The following RGS6 variants were observed in gnomAD, a reference collection of about 807,000 sequenced individuals.
RGS6 encodes the protein regulator of G-protein signaling 6.
A neutral mutation model predicts 78.5 loss-of-function variants in RGS6; 30 were observed. That is an observed-to-expected ratio of 0.38 (90% CI 0.29 to 0.52). RGS6 has a LOEUF of 0.52. Among genes scored for constraint, RGS6 ranks in the 20% least tolerant of loss-of-function variants. RGS6 has a pLI of 0.85. For synonymous variants in RGS6, 206 were observed against 206.0 expected (o/e 1.00, Z 0.00); for missense variants, 495 against 609.7 (o/e 0.81, Z 1.98).
intron 2 of RGS6, among the ~76,000 whole-genome samples, chr14:72,173,544 G>A (rs535824655): frequency 9.2e-5 from 14 of 152,242 alleles, no homozygotes; most frequent in South Asian, 2.1e-4. Flanking sequence ...TAAAATGCGC[G>A]TTCAGGGAGA....
intron 3 of RGS6, among the ~76,000 whole-genome samples, chr14:72,368,207 T>C (rs1049984430): frequency 8.5e-5 from 13 of 152,134 alleles, no homozygotes; most frequent in Non-Finnish European, 1.3e-4. Context: ...TGCATGTGTG[T>C]GAACTGGGGA....
At chr14:72,307,829 A>G (rs540903128) in intron 2 of RGS6, among the ~76,000 whole-genome samples, 1 of 152,220 alleles carries the variant, frequency 6.6e-6, no homozygotes, top group Non-Finnish European at 1.5e-5. Flanking sequence ...CTTTAAAATG[A>G]CAAATTTTCC....
At chr14:72,143,588 T>C (rs2096569839) in intron 2 of RGS6, among the ~76,000 whole-genome samples, 1 of 152,188 alleles carries the variant, frequency 6.6e-6, no homozygotes, top group Non-Finnish European at 1.5e-5. Flanking sequence ...ACATGATTAA[T>C]GGCTTTTGGG....
intron 3 of RGS6, among the ~76,000 whole-genome samples, chr14:72,396,220 T>C (rs565790896): frequency 0.11 from 17,372 of 152,132 alleles, 1,360 homozygotes; most frequent in Non-Finnish European, 0.17. Context: ...TTAATGATTT[T>C]CATTCTAACT....
chr14:72,439,982 C>T (rs187429270), intron 3 of RGS6, among the ~76,000 whole-genome samples: 52 of 152,332 alleles, frequency 3.4e-4, no homozygotes, highest in Non-Finnish European at 4.4e-5. Context: ...GCTCCACAAT[C>T]CCTAACCCAC....
the RGS6 span, among the ~76,000 whole-genome samples, chr14:71,886,055 G>A: frequency 2.2e-4 from 33 of 149,384 alleles, no homozygotes; most frequent in Middle Eastern, 3.4e-3. Flanking sequence ...TCAGAAATGC[G>A]TGTAATCCCA....
chr14:72,107,435 G>A (rs997726491), intron 2 of RGS6, among the ~76,000 whole-genome samples: 1 of 152,026 alleles, frequency 6.6e-6, no homozygotes, highest in African/African-American at 2.4e-5. Context: ...CTCATCTTGT[G>A]TATTTCCTGC....
At chr14:71,995,247 C>T (rs2095146898) in intron 2 of RGS6, among the ~76,000 whole-genome samples, 1 of 152,162 alleles carries the variant, frequency 6.6e-6, no homozygotes, top group South Asian at 2.1e-4. Context: ...ATCTGGAATT[C>T]TATGTTCTTC....
At chr14:72,489,725 AGAGGC>A (rs1566968618) in intron 12 of RGS6, among the ~76,000 whole-genome samples, 33 of 151,110 alleles carry the variant, frequency 2.2e-4, no homozygotes, top group African/African-American at 7.6e-4. Context: ...AAAGGAAAGG[AGAGGC>A]AAGGCGAGGT....
the RGS6 span, among the ~76,000 whole-genome samples, chr14:72,576,935 G>C: frequency 6.6e-6 from 1 of 152,142 alleles, no homozygotes; most frequent in African/African-American, 2.4e-5. Context: ...TAAACACATG[G>C]GCTTTGTAGA....
chr14:72,079,764 A>G (rs1055341602), intron 2 of RGS6, among the ~76,000 whole-genome samples: 6 of 152,110 alleles, frequency 3.9e-5, no homozygotes, highest in South Asian at 4.1e-4. Context: ...TTTTTATTCT[A>G]CATGAGTGAG....
At chr14:72,400,165 C>T (rs2092194156) in intron 3 of RGS6, among the ~76,000 whole-genome samples, 1 of 152,206 alleles carries the variant, frequency 6.6e-6, no homozygotes, top group African/African-American at 2.4e-5. Context: ...CAAAGGGAAG[C>T]CCATCAGACT....
At chr14:72,542,182 G>T in intron 17 of RGS6, among the ~76,000 whole-genome samples, 1 of 152,130 alleles carries the variant, frequency 6.6e-6, no homozygotes, top group Non-Finnish European at 1.5e-5. Context: ...CAGAATTTGG[G>T]GTTCCAGTGG....
chr14:72,087,725 T>G (rs2095107513), intron 2 of RGS6, among the ~76,000 whole-genome samples: 1 of 152,078 alleles, frequency 6.6e-6, no homozygotes, highest in Non-Finnish European at 1.5e-5. Flanking sequence ...ATGTTGTAAT[T>G]TTTGGACTAA....
the RGS6 span, among the ~76,000 whole-genome samples, chr14:71,878,507 T>C: frequency 6.6e-6 from 1 of 152,232 alleles, no homozygotes; most frequent in Non-Finnish European, 1.5e-5. Flanking sequence ...AATCTCCTGC[T>C]GTGCCGTTTG....
the RGS6 span, among the ~76,000 whole-genome samples, chr14:71,892,085 T>C: frequency 6.6e-6 from 1 of 152,170 alleles, no homozygotes; most frequent in Non-Finnish European, 1.5e-5. Context: ...ATACATACCA[T>C]TTCAGTGAAG....
rs1471159843 is a variant in RGS6 at position 71,963,674 on chromosome 14, CGTT to C, written c.-20-1095_-20-1093del. On this transcript the variant is annotated intron_variant, in intron 1 of 17. Coordinates refer to ENST00000553525, the MANE Select transcript of RGS6 (RefSeq NM_001204424.2). ...TTAGCATGTTTTCAAGGTTCATCCA[CGTT>C]GTAGTGTGTGTCAGTACTTTATTTC... Among the ~76,000 whole-genome samples the C allele has an allele frequency of 2.1e-4, 32 of 152,352 alleles. No homozygotes were observed. The East Asian group carries it at 3.1e-3, about 15-fold the overall frequency.
At position 72,039,351 on chromosome 14, in the gene RGS6, T is replaced by G. The variant is rs146883174; in HGVS notation, c.84+74476T>G. ...ACAGAGCTCAGTTTTAGGGCTAGTT[T>G]ATAGGAGGGATATAGATCCTGAACG... is the stretch of plus-strand genomic sequence containing the variant. On this transcript the variant is annotated intron_variant, in intron 2 of 17. Coordinates refer to ENST00000553525, the MANE Select transcript of RGS6 (RefSeq NM_001204424.2). Among the ~76,000 whole-genome samples the G allele has an allele frequency of 1.1e-4, 16 of 152,286 alleles. No homozygotes were observed. In the East Asian group the frequency reaches 1.2e-3, roughly 11 times the overall value.
chr14:72,552,418 T>G (rs1298102499), intron 17 of RGS6, among the ~76,000 whole-genome samples: 1 of 152,004 alleles, frequency 6.6e-6, no homozygotes, highest in East Asian at 1.9e-4. Flanking sequence ...ACCAGGCAAA[T>G]GGTGCACGTG....
Sources: allele counts gnomAD v4.1 joint callset (sites outside exome capture counted in the v4.1 genomes callset), GRCh38; gene constraint gnomAD v4.1.1; transcripts MANE v1.5; gene names NCBI Gene and HGNC (gene_info 2026-07-23, HGNC 2026-07-21).